Variants in CFAP58 observed in about 807,000 individuals in gnomAD.
CFAP58 encodes cilia and flagella associated protein 58, also known as cilia- and flagella-associated protein 58.
A neutral mutation model predicts 119.5 loss-of-function variants in CFAP58; 88 were observed. That is an observed-to-expected ratio of 0.74 (90% CI 0.62 to 0.88). The LOEUF is 0.88. CFAP58 is among the 40% of genes least tolerant of loss of function. The probability of loss-of-function intolerance (pLI) is 0.00; values close to 1 mark genes in which losing one functional copy is unlikely to be tolerated. For missense variants in CFAP58, 990 were observed against 1,021.2 expected, an observed-to-expected ratio of 0.97 and a Z score of 0.42; for synonymous variants, 365 against 366.3, an observed-to-expected ratio of 1.00 and a Z score of 0.04.
chr10:104,348,561 A>C, the CFAP58 span, among the ~76,000 whole-genome samples: 32 of 152,248 alleles, frequency 2.1e-4, no homozygotes, highest in Non-Finnish European at 1.2e-4. Flanking sequence ...GTTTGGAGGC[A>C]CTTCTCTTCT....
At chr10:104,373,926 G>T (rs2133001658) in intron 7 of CFAP58, among the ~76,000 whole-genome samples, 2 of 152,322 alleles carry the variant, frequency 1.3e-5, no homozygotes, top group Middle Eastern at 6.8e-3. Flanking sequence ...ATCATCTAAG[G>T]TAAGGTGTTG....
Position 104,365,906 on chromosome 10 carries a change from A to G in CFAP58, c.690A>G (p.Ala230=), listed in dbSNP as rs942275877. The change falls in exon 5 of 18, where the codon GCA becomes GCG. Residue 230 remains alanine, a synonymous_variant. Transcript: ENST00000369704. The part of the protein sequence containing the change: ...KLEKELKQIQ[A]DMDSRQTEIK... ...AGAAAGAGCTCAAGCAGATTCAGGC[A>G]GACATGGACAGCAGGCAGACAGAAA... 2 of 1,613,596 alleles carry G rather than the reference A, an allele frequency of 1.2e-6. No individual in the cohort carries two copies. Among genetic ancestry groups the G allele is most frequent in the Admixed American group, 3.3e-5 (2 of 59,926 alleles).
At position 104,371,196 on chromosome 10, in the gene CFAP58, A is replaced by G. The variant is rs895306793; in HGVS notation, c.1090+142A>G. 1.1e-3 allele frequency: 638 copies of G among 577,810 alleles called. 5 individuals carry two copies. The highest frequency in any genetic ancestry group is 1.8e-4 in the Non-Finnish European group (65 of 364,810). The allele number at this position is 577,810 out of a possible 1,614,324, so 35.8% of individuals were successfully genotyped here. ...CAACACTCACACTGGTAAACAGTCA[A>G]TATGGGGTGGGGTGGGGGGCATCAT... is the stretch of plus-strand genomic sequence containing the variant. On this transcript the variant is annotated intron_variant, in intron 7 of 17. Coordinates refer to ENST00000369704, the MANE Select transcript of CFAP58 (RefSeq NM_001008723.2).
intron 15 of CFAP58, among the ~76,000 whole-genome samples, chr10:104,442,985 A>G (rs1187351471): frequency 6.6e-6 from 1 of 152,204 alleles, no homozygotes; most frequent in East Asian, 1.9e-4. Context: ...GTAAAATACG[A>G]TGGGCATAGT....
At chr10:104,391,359 C>T (rs1482397375) in intron 9 of CFAP58, among the ~76,000 whole-genome samples, 1 of 152,144 alleles carries the variant, frequency 6.6e-6, no homozygotes, top group Non-Finnish European at 1.5e-5. Context: ...CCTCCCATTG[C>T]AACCATTAAT....
At chr10:104,364,427 AACAC>A (rs66757511) in intron 3 of CFAP58, among the ~76,000 whole-genome samples, 17,884 of 141,906 alleles carry the variant, frequency 0.13, 1,077 homozygotes, top group South Asian at 0.16. Context: ...ATGTCTGTAA[AACAC>A]ACACACACAC....
intron 14 of CFAP58, among the ~76,000 whole-genome samples, chr10:104,405,712 C>T (rs754540489): frequency 1.1e-4 from 17 of 152,208 alleles, no homozygotes; most frequent in Non-Finnish European, 2.2e-4. Context: ...AGTCCACATC[C>T]TGGAAGCGGT....
chr10:104,390,900 G>A (rs2012025983), intron 9 of CFAP58, among the ~76,000 whole-genome samples: 1 of 152,042 alleles, frequency 6.6e-6, no homozygotes, highest in Admixed American at 6.6e-5. Context: ...AGAAAGAATA[G>A]TACAAAATTA....
Position 104,358,530 on chromosome 10 carries a change from C to G in CFAP58, c.199C>G (p.Leu67Val), listed in dbSNP as rs763489292. The G allele has an allele frequency of 5.3e-5, 85 of 1,613,948 alleles. No individual in the cohort carries two copies. The highest frequency in any genetic ancestry group is 7.0e-5 in the Non-Finnish European group (83 of 1,180,004). ...GCGTCTGATGGCCAAATGCAGAGAG[C>G]TAAATGCAGAGATTGTAGTGAATTC... ...EKRLMAKCRE[L>V]NAEIVVNSAK... Residue 67 changes from leucine to valine, a missense_variant, in exon 2 of 18, where the codon CTA becomes GTA. By Grantham distance (32) the Leu-to-Val change is conservative. Coordinates refer to ENST00000369704, the MANE Select transcript of CFAP58 (RefSeq NM_001008723.2).
chr10:104,450,270 G>T, intron 17 of CFAP58, 66 bp downstream of exon 17: 1 of 1,550,742 alleles, frequency 6.4e-7, no homozygotes, highest in South Asian at 1.2e-5. Context: ...AATATTTGGT[G>T]AACAGTCACA....
At chr10:104,402,361 C>G (rs1307880598) in intron 13 of CFAP58, among the ~76,000 whole-genome samples, 1 of 152,190 alleles carries the variant, frequency 6.6e-6, no homozygotes, top group Non-Finnish European at 1.5e-5. Flanking sequence ...GCTCTGAGCG[C>G]CCTGTTGAGT....
At position 104,447,606 on chromosome 10, in the gene CFAP58, C is replaced by T. The variant is rs534825247; in HGVS notation, c.2257-92C>T. 3.3e-6 allele frequency: 5 copies of T among 1,500,830 alleles called. No individual in the cohort carries two copies. In the East Asian group the frequency reaches 1.1e-4, roughly 34 times the overall value. 93.0% of individuals were successfully genotyped at this position (1,500,830 alleles called of 1,614,324 possible). A position where few individuals can be genotyped will look rare whatever the true frequency, so the allele number is the denominator to read the frequency against. On this transcript the variant is annotated intron_variant, in intron 15 of 17. Coordinates refer to ENST00000369704, the MANE Select transcript of CFAP58 (RefSeq NM_001008723.2). ...TGTGGAGCTGTGAAGTAGCTTGGGCCACTCCCAAATTGTGCTGGCCATGCA... is the reference window on the plus strand; with the variant it reads ...TGTGGAGCTGTGAAGTAGCTTGGGCTACTCCCAAATTGTGCTGGCCATGCA...
chr10:104,425,552 T>C (rs1484472636), intron 15 of CFAP58, among the ~76,000 whole-genome samples: 1 of 152,216 alleles, frequency 6.6e-6, no homozygotes, highest in Non-Finnish European at 1.5e-5. Context: ...GTCCAATCCT[T>C]TATGTTATGT....
chr10:104,399,175 A>AGT (rs35611566), intron 11 of CFAP58, among the ~76,000 whole-genome samples, 185 bp from the exon 12 acceptor site: 42,328 of 148,926 alleles, frequency 0.28, 6,070 homozygotes, highest in Non-Finnish European at 0.34. Context: ...TTTCTTTATG[A>AGT]GTGTGTGTGT....
rs369845148 is a variant in CFAP58, at chr10:104,363,629, A to G, written c.441-1104A>G. ...GGAGAATGGAAGAAACAATCCAGCC[A>G]ATAATTTTATCTTTAACAGTGTGCC... On this transcript the variant is annotated intron_variant, in intron 3 of 17. Coordinates refer to ENST00000369704, the MANE Select transcript of CFAP58 (RefSeq NM_001008723.2). Among the ~76,000 whole-genome samples the G allele has an allele frequency of 6.4e-4, 97 of 152,352 alleles. 1 individual carries two copies. The highest frequency in any genetic ancestry group is 2.3e-3 in the African/African-American group (95 of 41,586).
intron 15 of CFAP58, among the ~76,000 whole-genome samples, chr10:104,426,714 C>A (rs991423978): frequency 1.3e-5 from 2 of 152,168 alleles, no homozygotes; most frequent in Non-Finnish European, 2.9e-5. Flanking sequence ...GACATTTTCA[C>A]CCCATTACAT....
chr10:104,413,374 A>G (rs1441458615), intron 15 of CFAP58, among the ~76,000 whole-genome samples: 1 of 152,186 alleles, frequency 6.6e-6, no homozygotes, highest in Non-Finnish European at 1.5e-5. Context: ...CTTGGGATTA[A>G]CGTGAAAATG....
chr10:104,419,605 A>G (rs1387695998), intron 15 of CFAP58, among the ~76,000 whole-genome samples: 1 of 148,164 alleles, frequency 6.7e-6, no homozygotes, highest in Non-Finnish European at 1.5e-5. Flanking sequence ...TTGAGATGAC[A>G]TTCTCTTATT....
intron 15 of CFAP58, among the ~76,000 whole-genome samples, chr10:104,416,395 G>A (rs1383638245): frequency 3.9e-5 from 6 of 152,136 alleles, no homozygotes; most frequent in South Asian, 4.1e-4. Flanking sequence ...GAACTGAACT[G>A]GAAATCACTG....
Sources: allele counts gnomAD v4.1 joint callset (sites outside exome capture counted in the v4.1 genomes callset), GRCh38; gene constraint gnomAD v4.1.1; transcripts MANE v1.5; gene names NCBI Gene and HGNC (gene_info 2026-07-23, HGNC 2026-07-21).